The following AUTS2 variants were observed in gnomAD, a reference collection of about 807,000 sequenced individuals.
AUTS2 encodes the protein autism susceptibility gene 2 protein.
Under a neutral mutation model 112.4 loss-of-function variants are expected in AUTS2, and 17 were observed. The observed-to-expected ratio is 0.15, with a 90% confidence interval of 0.10 to 0.23. The LOEUF (loss-of-function observed/expected upper bound fraction) is 0.23. Among genes scored for constraint, AUTS2 ranks in the 10% least tolerant of loss-of-function variants. The pLI is 1.00. For missense variants in AUTS2, 1,510 were observed against 1,701.6 expected, an observed-to-expected ratio of 0.89 and a Z score of 1.98; for synonymous variants, 751 against 702.7, an observed-to-expected ratio of 1.07 and a Z score of -1.09.
intron 1 of AUTS2, among the ~76,000 whole-genome samples, chr7:69,794,013 C>T (rs1329932714): frequency 2.6e-5 from 4 of 152,046 alleles, no homozygotes; most frequent in Admixed American, 6.5e-5. Flanking sequence ...CTGGCATGAG[C>T]GTGGAGGGAA....
intron 1 of AUTS2, among the ~76,000 whole-genome samples, chr7:69,662,716 A>G (rs890534308): frequency 6.6e-6 from 1 of 152,210 alleles, no homozygotes; most frequent in African/African-American, 2.4e-5. Context: ...TAAATATCAT[A>G]TTAGCTCTTG....
chr7:69,894,949 A>G (rs1174328133), intron 1 of AUTS2, among the ~76,000 whole-genome samples: 2 of 152,194 alleles, frequency 1.3e-5, no homozygotes, highest in African/African-American at 2.4e-5. Context: ...GAATGAATCA[A>G]CAGGCCTTTG....
intron 5 of AUTS2, among the ~76,000 whole-genome samples, chr7:70,597,705 G>A (rs1803275014): frequency 6.6e-6 from 1 of 152,206 alleles, no homozygotes; most frequent in Non-Finnish European, 1.5e-5. Context: ...TATTTTTGGT[G>A]TAGGTTTCTG....
rs569863267 is a variant in AUTS2 at position 69,810,455 on chromosome 7, G to GTA, written c.310-88831_310-88830insTA. On this transcript the variant is annotated intron_variant, in intron 1 of 18. Transcript: ENST00000342771. The stretch of plus-strand genomic sequence containing the variant: ...TATATTGATGTATGGAAAGCCCTTG[G>GTA]CACACAGTAGTTGTTTAATTAAAAA... Among the ~76,000 whole-genome samples the GTA allele has an allele frequency of 1.9e-4, 29 of 151,450 alleles. No homozygotes were observed. In the East Asian group the frequency reaches 4.5e-3, roughly 23 times the overall value.
intron 5 of AUTS2, among the ~76,000 whole-genome samples, chr7:70,439,658 C>G (rs1796045554): frequency 6.6e-6 from 1 of 151,926 alleles, no homozygotes; most frequent in South Asian, 2.1e-4. Context: ...AAAGAGGCAG[C>G]ACTTGGCACC....
At chr7:69,949,020 T>G (rs1470800015) in intron 2 of AUTS2, among the ~76,000 whole-genome samples, 1 of 152,086 alleles carries the variant, frequency 6.6e-6, no homozygotes, top group Non-Finnish European at 1.5e-5. Context: ...TTGGCCAGGC[T>G]GGTCTCGAGC....
At chr7:70,037,671 C>G (rs569126816) in intron 2 of AUTS2, among the ~76,000 whole-genome samples, 199 of 152,198 alleles carry the variant, frequency 1.3e-3, no homozygotes, top group Non-Finnish European at 2.3e-3. Context: ...TTGAGAACAT[C>G]TGGAGGCATT....
intron 2 of AUTS2, among the ~76,000 whole-genome samples, chr7:69,980,805 A>AT (rs1289352341): frequency 3.3e-5 from 5 of 152,244 alleles, no homozygotes; most frequent in Middle Eastern, 3.4e-3. Flanking sequence ...CTTGGCGTCA[A>AT]TTTTTTTAAA....
chr7:70,371,931 A>G (rs2129630311), intron 4 of AUTS2, among the ~76,000 whole-genome samples: 1 of 152,292 alleles, frequency 6.6e-6, no homozygotes, highest in South Asian at 2.1e-4. Context: ...TGATTTCTCT[A>G]GGACTAAAGT....
intron 5 of AUTS2, among the ~76,000 whole-genome samples, chr7:70,459,853 CTG>C (rs1654210856): frequency 6.6e-6 from 1 of 152,190 alleles, no homozygotes; most frequent in Admixed American, 6.5e-5. Context: ...CAGAGCCAGA[CTG>C]TGGGGCAGAG....
chr7:70,665,087 A>G (rs1478026695), intron 5 of AUTS2, among the ~76,000 whole-genome samples: 1 of 152,106 alleles, frequency 6.6e-6, no homozygotes, highest in Non-Finnish European at 1.5e-5. Flanking sequence ...GAAAGAGAAA[A>G]AAAAATGCTT....
chr7:70,117,809 T>C (rs1413047816), intron 2 of AUTS2, among the ~76,000 whole-genome samples: 15 of 151,814 alleles, frequency 9.9e-5, no homozygotes. Context: ...AGTGCACTGG[T>C]GCAATCTCAG....
rs1437453235 is a variant in AUTS2, at chr7:70,787,223, T to G, written c.2323T>G (p.Phe775Val). ...CACCATTTCAGCACCCAACTCAATG[T>G]TCGGCCACAAGGATGGCCCCAGTGT... Reference protein sequence around the residue: ...GNPSVTPNSMFGHKDGPSVQN... With the variant: ...GNPSVTPNSMVGHKDGPSVQN... The change falls in exon 18 of 19, where the codon TTC (phenylalanine) becomes GTC (valine). Residue 775 changes from phenylalanine to valine, a missense_variant. Phe to Val is a conservative substitution (Grantham distance 50, BLOSUM62 -1). Coordinates refer to ENST00000342771, the MANE Select transcript of AUTS2 (RefSeq NM_015570.4). 6.2e-7 allele frequency: 1 copy of G among 1,614,252 alleles called. No homozygotes were observed. The highest frequency in any genetic ancestry group is 2.2e-5 in the East Asian group (1 of 44,874).
rs1029541917 is a variant in AUTS2 at position 69,997,799 on chromosome 7, G to A, written c.522+98301G>A. ...CTCCCTATGCCCAGCTTCAACATTGGTTGTCATATTTCAACATGAGATTTG... is the reference window on the plus strand; with the variant it reads ...CTCCCTATGCCCAGCTTCAACATTGATTGTCATATTTCAACATGAGATTTG... On this transcript the variant is annotated intron_variant, in intron 2 of 18. Coordinates refer to ENST00000342771, the MANE Select transcript of AUTS2 (RefSeq NM_015570.4). Among the ~76,000 whole-genome samples, 14 of 152,122 alleles carry A rather than the reference G, an allele frequency of 9.2e-5. No individual in the cohort carries two copies. In the East Asian group the frequency reaches 9.6e-4, roughly 10 times the overall value.
chr7:69,658,715 C>T (rs1795657661), intron 1 of AUTS2, among the ~76,000 whole-genome samples: 1 of 152,180 alleles, frequency 6.6e-6, no homozygotes, highest in South Asian at 2.1e-4. Context: ...CATGAGCAAA[C>T]TACTGTCTGA....
chr7:70,176,692 C>G (rs1243602633), intron 4 of AUTS2, among the ~76,000 whole-genome samples: 2 of 152,318 alleles, frequency 1.3e-5, no homozygotes, highest in Admixed American at 6.5e-5. Context: ...TTTGTTCCAA[C>G]AGGCTTATTC....
chr7:69,626,139 G>C (rs1234340253), intron 1 of AUTS2, among the ~76,000 whole-genome samples: 2 of 152,130 alleles, frequency 1.3e-5, no homozygotes, highest in African/African-American at 2.4e-5. Flanking sequence ...TAGCTGCATG[G>C]ATGGCAGAGA....
chr7:69,874,722 G>C (rs1232390940), intron 1 of AUTS2, among the ~76,000 whole-genome samples: 1 of 152,026 alleles, frequency 6.6e-6, no homozygotes, highest in African/African-American at 2.4e-5. Context: ...GCAGTGACGC[G>C]ATCTCGGCTT....
intron 4 of AUTS2, among the ~76,000 whole-genome samples, chr7:70,263,175 T>TATC (rs1324085721): frequency 1.3e-5 from 2 of 152,162 alleles, no homozygotes; most frequent in African/African-American, 4.8e-5. Context: ...AACGATTGTC[T>TATC]ATCAGTTAAA....
Sources: gnomAD v4.1 joint callset for allele counts (sites outside exome capture counted in the v4.1 genomes callset) on GRCh38, gnomAD v4.1.1 for gene constraint, MANE v1.5 for transcripts, NCBI Gene and HGNC (gene_info 2026-07-23, HGNC 2026-07-21) for gene names.